Variants in SAMD4A observed in about 807,000 individuals in gnomAD.
SAMD4A encodes the protein protein Smaug homolog 1.
In SAMD4A, 33 loss-of-function variants were observed where a neutral mutation model predicts 81.3. The observed-to-expected ratio is 0.41, with a 90% CI of 0.31 to 0.54. The LOEUF is 0.54. Among genes scored for constraint, SAMD4A ranks in the 20% least tolerant of loss-of-function variants. The probability of loss-of-function intolerance (pLI) is 0.37; values close to 1 mark genes in which losing one functional copy is unlikely to be tolerated. For synonymous variants in SAMD4A, 389 were observed against 382.1 expected, an observed-to-expected ratio of 1.02 and a Z score of -0.21; for missense variants, 854 against 951.1, an observed-to-expected ratio of 0.90 and a Z score of 1.34.
At chr14:54,649,816 G>A (rs1035440036) in intron 2 of SAMD4A, among the ~76,000 whole-genome samples, 1 of 152,174 alleles carries the variant, frequency 6.6e-6, no homozygotes, top group African/African-American at 2.4e-5. Context: ...TTGCCTGTAA[G>A]TATTTGTCAC....
At chr14:54,759,291 T>C (rs2038328381) in intron 6 of SAMD4A, among the ~76,000 whole-genome samples, 1 of 152,212 alleles carries the variant, frequency 6.6e-6, no homozygotes. Context: ...GCCTCCAGGC[T>C]CAGGCCTAGG....
chr14:54,678,472 T>TAGGTCAG (rs2036043415), intron 2 of SAMD4A, among the ~76,000 whole-genome samples: 22 of 65,982 alleles, frequency 3.3e-4, no homozygotes, highest in Non-Finnish European at 6.1e-4. Context: ...TGTGTGTGTG[T>TAGGTCAG]GTGTGTGTGT....
chr14:54,712,222 T>C (rs1391146416), intron 3 of SAMD4A, among the ~76,000 whole-genome samples: 1 of 152,016 alleles, frequency 6.6e-6, no homozygotes, highest in East Asian at 1.9e-4. Context: ...CTGGAGTTCC[T>C]TTGAAATCTT....
At chr14:54,698,886 G>A (rs1409864213) in intron 2 of SAMD4A, among the ~76,000 whole-genome samples, 2 of 151,734 alleles carry the variant, frequency 1.3e-5, no homozygotes, top group African/African-American at 2.4e-5. Flanking sequence ...AACATGTTTC[G>A]TTTGTACTAT....
rs745984504 is a variant in SAMD4A, at chr14:54,760,269, C to T, written c.1285C>T (p.Arg429Cys). Reference sequence around the variant, plus strand: ...CCCGAGCACCACCCCCGAGGCTCGCCGCCGGGAGCCCCAGGCCCCGCGTCA... The same window carrying T: ...CCCGAGCACCACCCCCGAGGCTCGCTGCCGGGAGCCCCAGGCCCCGCGTCA... ...SSPSTTPEAR[R>C]REPQAPRQPS... Residue 429 changes from arginine to cysteine, a missense_variant, in exon 7 of 13, where the codon CGC becomes TGC. Coordinates refer to ENST00000554335, the MANE Select transcript of SAMD4A (RefSeq NM_015589.6). 154 of 1,612,464 alleles carry T rather than the reference C, an allele frequency of 9.6e-5. No individual in the cohort carries two copies. Among genetic ancestry groups the T allele is most frequent in the Non-Finnish European group, 1.1e-4 (131 of 1,179,800 alleles).
At chr14:54,649,138 A>G (rs567378971) in intron 2 of SAMD4A, among the ~76,000 whole-genome samples, 12 of 152,248 alleles carry the variant, frequency 7.9e-5, no homozygotes, top group Non-Finnish European at 1.5e-4. Flanking sequence ...AGTTTTGGAC[A>G]TAAGCTAGAC....
At chr14:54,732,558 A>T (rs1004159794) in intron 3 of SAMD4A, among the ~76,000 whole-genome samples, 2 of 152,138 alleles carry the variant, frequency 1.3e-5, no homozygotes, top group African/African-American at 4.8e-5. Flanking sequence ...TTATGCTTTA[A>T]ATAATTTTTA....
chr14:54,657,129 T>C (rs2035538373), intron 2 of SAMD4A, among the ~76,000 whole-genome samples: 1 of 152,216 alleles, frequency 6.6e-6, no homozygotes, highest in Admixed American at 6.5e-5. Context: ...TGATCATTTT[T>C]CAATTTCCTC....
At chr14:54,669,499 G>A (rs2035830377) in intron 2 of SAMD4A, among the ~76,000 whole-genome samples, 1 of 133,376 alleles carries the variant, frequency 7.5e-6, no homozygotes, top group South Asian at 2.4e-4. Flanking sequence ...CTGTTGCCCA[G>A]GCTGGCTGGA....
At chr14:54,723,433 T>C (rs1006121663) in intron 3 of SAMD4A, among the ~76,000 whole-genome samples, 8 of 152,200 alleles carry the variant, frequency 5.3e-5, no homozygotes, top group African/African-American at 1.9e-4. Context: ...GAAGCAAGAA[T>C]AGTTTTTTTG....
chr14:54,776,695 A>G (rs913708286), intron 11 of SAMD4A, among the ~76,000 whole-genome samples, 155 bp downstream of exon 11: 6 of 152,360 alleles, frequency 3.9e-5, no homozygotes, highest in African/African-American at 1.2e-4. Flanking sequence ...CCTTGCCAGC[A>G]TGAATAGCGG....
At chr14:54,697,464 C>G (rs368247604) in intron 2 of SAMD4A, among the ~76,000 whole-genome samples, 1 of 152,142 alleles carries the variant, frequency 6.6e-6, no homozygotes, top group East Asian at 1.9e-4. Flanking sequence ...TCTCTATGAT[C>G]AGTTCATTCT....
At chr14:54,760,037 C>T (rs1354193172) in intron 6 of SAMD4A, 124 bp from the exon 7 acceptor site, 24 of 938,106 alleles carry the variant, frequency 2.6e-5, no homozygotes, top group South Asian at 4.9e-5. Context: ...TTCCCAAAAA[C>T]GTCCTGATGA....
intron 2 of SAMD4A, among the ~76,000 whole-genome samples, chr14:54,628,284 G>A (rs2034813681): frequency 6.6e-6 from 1 of 152,198 alleles, no homozygotes; most frequent in African/African-American, 2.4e-5. Context: ...GGCTGCATGT[G>A]AAGTGACAGG....
At chr14:54,612,346 A>T (rs995093960) in intron 2 of SAMD4A, among the ~76,000 whole-genome samples, 15 of 152,214 alleles carry the variant, frequency 9.9e-5, no homozygotes, top group Admixed American at 2.6e-4. Context: ...ATGATAGACT[A>T]ATCTACATAT....
chr14:54,658,521 C>T (rs897588390), intron 2 of SAMD4A, among the ~76,000 whole-genome samples: 1 of 152,120 alleles, frequency 6.6e-6, no homozygotes, highest in African/African-American at 2.4e-5. Context: ...TAGCTAGGCC[C>T]CCATCCTAAG....
chr14:54,776,015 TA>T (rs10539223), intron 10 of SAMD4A, among the ~76,000 whole-genome samples: 5,752 of 89,734 alleles, frequency 0.064, 417 homozygotes, highest in African/African-American at 0.23. Flanking sequence ...GTAAGAATCT[TA>T]AAAAAAAAAA....
At chr14:54,778,082 G>A (rs998214326) in intron 11 of SAMD4A, among the ~76,000 whole-genome samples, 1 of 152,144 alleles carries the variant, frequency 6.6e-6, no homozygotes, top group African/African-American at 2.4e-5. Context: ...ACCTTGAATG[G>A]GTCTTTCACC....
intron 2 of SAMD4A, among the ~76,000 whole-genome samples, chr14:54,660,089 A>T (rs1418951637): frequency 6.6e-6 from 1 of 152,060 alleles, no homozygotes; most frequent in Non-Finnish European, 1.5e-5. Flanking sequence ...CAGAAAAAAA[A>T]AAAAAAGGGC....
Sources: allele counts gnomAD v4.1 joint callset (sites outside exome capture counted in the v4.1 genomes callset), GRCh38; gene constraint gnomAD v4.1.1; transcripts MANE v1.5; gene names NCBI Gene and HGNC (gene_info 2026-07-23, HGNC 2026-07-21).